HYKK: variants seen among roughly 807,000 people sequenced by gnomAD.
The protein encoded by HYKK is hydroxylysine kinase, also known as 5-hydroxy-L-lysine kinase.
In HYKK, 19 loss-of-function variants were observed where a neutral mutation model predicts 29.7. That is an observed-to-expected ratio of 0.64 (90% CI 0.45 to 0.94). The LOEUF is 0.94. HYKK is among the 40% of genes least tolerant of loss of function. HYKK has a pLI of 0.00. For missense variants in HYKK, 390 were observed against 443.4 expected (o/e 0.88, Z 1.08); for synonymous variants, 152 against 158.1 (o/e 0.96, Z 0.29).
At position 78,533,208 on chromosome 15, in the gene HYKK, A is replaced by T; in HGVS notation, c.662-2A>T. 1 of 1,554,304 alleles carries T rather than the reference A, an allele frequency of 6.4e-7. No individual in the cohort carries two copies. Among genetic ancestry groups the T allele is most frequent in the South Asian group, 1.1e-5 (1 of 87,748 alleles). On this transcript the variant is annotated splice_acceptor_variant, in intron 4 of 4. Transcript: ENST00000388988. LOFTEE classifies it high-confidence loss of function. Reference sequence around the variant, plus strand: ...GTTTTTACATGATTTTTCTACTTTCAGGTATCAATCACGGAGATCTTAATG... The same window carrying T: ...GTTTTTACATGATTTTTCTACTTTCTGGTATCAATCACGGAGATCTTAATG...
intron 3 of HYKK, among the ~76,000 whole-genome samples, chr15:78,523,320 G>A (rs1324899547): frequency 1.3e-5 from 2 of 152,096 alleles, no homozygotes; most frequent in South Asian, 4.2e-4. Context: ...GAGCAAGCCG[G>A]GGGTGCTGCA....
intron 1 of HYKK, among the ~76,000 whole-genome samples, chr15:78,508,130 C>G (rs1309066593): frequency 3.9e-5 from 6 of 152,230 alleles, no homozygotes; most frequent in African/African-American, 1.4e-4. Context: ...CAGGAAGACC[C>G]TTAAAAGCAC....
At chr15:78,517,621 C>T (rs1490390397) in intron 3 of HYKK, among the ~76,000 whole-genome samples, 1 of 151,728 alleles carries the variant, frequency 6.6e-6, no homozygotes, top group Non-Finnish European at 1.5e-5. Context: ...CAGTTTTGAG[C>T]AGTTTGATTA....
chr15:78,532,393 G>C (rs2052321042), intron 4 of HYKK, among the ~76,000 whole-genome samples: 1 of 152,074 alleles, frequency 6.6e-6, no homozygotes, highest in South Asian at 2.1e-4. Context: ...ACCAGCACTG[G>C]CCATGGACCC....
chr15:78,527,545 T>G lies in HYKK; in HGVS notation c.643T>G (p.Leu215Val). The change falls in exon 4 of 5, where the codon TTA (leucine) becomes GTA (valine). Residue 215 changes from leucine (L) to valine (V), a missense_variant. Coordinates refer to ENST00000388988, the MANE Select transcript of HYKK (RefSeq NM_001013619.4). ...HLFKEEVMTK[L>V]SHFRECINHG... Reference sequence around the variant, plus strand: ...GTTCAAGGAGGAAGTAATGACCAAATTAAGTCATTTTCGAGAATGTGAGTA... The same window carrying G: ...GTTCAAGGAGGAAGTAATGACCAAAGTAAGTCATTTTCGAGAATGTGAGTA... 1 of 1,614,030 alleles carries G rather than the reference T, an allele frequency of 6.2e-7. No individual in the cohort carries two copies. The highest frequency in any genetic ancestry group is 8.5e-7 in the Non-Finnish European group (1 of 1,179,954).
rs77907534 is a variant in HYKK at position 78,508,850 on chromosome 15, C to A, written c.-6+1179C>A. On this transcript the variant is annotated intron_variant, in intron 1 of 4. Coordinates refer to ENST00000388988, the MANE Select transcript of HYKK (RefSeq NM_001013619.4). ...CTTGAGCCCAGAAGTTCGAGACCAG[C>A]CTGGGCAACATAGTGGGACCCTCTC... 9.4e-3 allele frequency among the ~76,000 whole-genome samples: 1,219 copies of A among 129,636 alleles called. 114 individuals carry two copies. The East Asian group carries it at 0.25, about 26-fold the overall frequency. 85.0% of individuals were successfully genotyped at this position (129,636 alleles called of 152,430 possible). A position where few individuals can be genotyped will look rare whatever the true frequency, so the allele number is the denominator to read the frequency against.
At chr15:78,514,007 G>T (rs2052101850) in intron 2 of HYKK, among the ~76,000 whole-genome samples, 1 of 152,044 alleles carries the variant, frequency 6.6e-6, no homozygotes, top group African/African-American at 2.4e-5. Flanking sequence ...GCCCAGGCTG[G>T]TCTTGAACTC....
intron 1 of HYKK, among the ~76,000 whole-genome samples, chr15:78,510,582 TC>T (rs1472922672): frequency 2.0e-5 from 3 of 152,122 alleles, no homozygotes; most frequent in Non-Finnish European, 4.4e-5. Flanking sequence ...CTGGTATATC[TC>T]CCTGAATGTT....
Position 78,527,486 on chromosome 15 carries a change from G to T in HYKK, c.584G>T (p.Arg195Leu). ...EKYLYALGQN[R>L]NREIVEHVIH... ...TACCTGTATGCCCTGGGCCAGAATC[G>T]AAACCGAGAGATTGTTGAGCATGTC... The change falls in exon 4 of 5, where the codon CGA becomes CTA. Residue 195 changes from arginine (R) to leucine (L), a missense_variant. Physicochemically the swap from Arg to Leu is moderately radical, Grantham distance 102 (BLOSUM62 -2). Coordinates refer to ENST00000388988, the MANE Select transcript of HYKK (RefSeq NM_001013619.4). The T allele has an allele frequency of 6.2e-7, 1 of 1,614,054 alleles. No individual in the cohort carries two copies. The highest frequency in any genetic ancestry group is 1.6e-4 in the Middle Eastern group (1 of 6,062).
intron 3 of HYKK, among the ~76,000 whole-genome samples, chr15:78,521,207 G>A (rs2052192903): frequency 6.6e-6 from 1 of 151,998 alleles, no homozygotes; most frequent in Admixed American, 6.5e-5. Flanking sequence ...GGATTGTAGG[G>A]GCCAGAACTG....
chr15:78,517,703 C>G (rs923997916), intron 3 of HYKK, among the ~76,000 whole-genome samples: 1 of 152,116 alleles, frequency 6.6e-6, no homozygotes, highest in African/African-American at 2.4e-5. Flanking sequence ...AGTGGATATA[C>G]TGAAGTTACT....
At position 78,533,921 on chromosome 15, in the gene HYKK, TATA is replaced by T. The variant is rs1380848411; in HGVS notation, c.*254_*256del. The T allele has an allele frequency of 4.4e-6, 2 of 456,092 alleles. No individual in the cohort carries two copies. Among genetic ancestry groups the T allele is most frequent in the South Asian group, 3.2e-5 (1 of 31,328 alleles). The allele number at this position is 456,092 out of a possible 1,614,324, so 28.3% of individuals were successfully genotyped here. On this transcript the variant is annotated 3_prime_UTR_variant, in exon 5 of 5. Coordinates refer to ENST00000388988, the MANE Select transcript of HYKK (RefSeq NM_001013619.4). ...TTACTTGCCATATCTATAAAACACA[TATA>T]ATGATACCATTTTGAAGCAGATAAT...
rs368219725 is a variant in HYKK, at chr15:78,533,207, C to G, written c.662-3C>G. 2.8e-5 allele frequency: 43 copies of G among 1,551,406 alleles called. No homozygotes were observed. Among genetic ancestry groups the G allele is most frequent in the Non-Finnish European group, 3.7e-5 (42 of 1,129,608 alleles). ...TGTTTTTACATGATTTTTCTACTTT[C>G]AGGTATCAATCACGGAGATCTTAAT... On this transcript the variant is annotated splice_polypyrimidine_tract_variant and splice_region_variant and intron_variant, in intron 4 of 4. Transcript: ENST00000388988.
Position 78,513,178 on chromosome 15 carries a change from T to C in HYKK, c.90T>C (p.Phe30=), listed in dbSNP as rs1271837876. ...EQASALVESV[F]GLKVSKVRPL... Reference sequence around the variant, plus strand: ...CCTCTGCGTTAGTGGAGTCAGTGTTTGGGTTGAAAGTTTCCAAGGTCCGGC... The same window carrying C: ...CCTCTGCGTTAGTGGAGTCAGTGTTCGGGTTGAAAGTTTCCAAGGTCCGGC... Residue 30 remains phenylalanine (F), a synonymous_variant, in exon 2 of 5, where the codon TTT becomes TTC. Coordinates refer to ENST00000388988, the MANE Select transcript of HYKK (RefSeq NM_001013619.4). The C allele has an allele frequency of 2.5e-6, 4 of 1,614,052 alleles. No individual in the cohort carries two copies. Among genetic ancestry groups the C allele is most frequent in the African/African-American group, 2.7e-5 (2 of 74,922 alleles).
In HYKK at chr15:78,513,124, T is replaced by C. The variant is rs895929322; in HGVS notation, c.36T>C (p.Leu12=). ...GAAACTATCAGCAGTCAGAGGCTCTTAGCAAACCCACTTTCAGTGAGGAAC... is the reference window on the plus strand; with the variant it reads ...GAAACTATCAGCAGTCAGAGGCTCTCAGCAAACCCACTTTCAGTGAGGAAC... ...SSGNYQQSEA[L]SKPTFSEEQA... is the part of the protein sequence containing the mutation. The change falls in exon 2 of 5, where the codon CTT becomes CTC. Residue 12 remains leucine (L), a synonymous_variant. Transcript: ENST00000388988. 6.2e-7 allele frequency: 1 copy of C among 1,613,816 alleles called. No individual in the cohort carries two copies. The highest frequency in any genetic ancestry group is 1.3e-5 in the African/African-American group (1 of 75,030).
At position 78,510,071 on chromosome 15, in the gene HYKK, T is replaced by TC. The variant is rs1361665961; in HGVS notation, c.-6+2400_-6+2401insC. 2.0e-5 allele frequency among the ~76,000 whole-genome samples: 3 copies of TC among 149,818 alleles called. No homozygotes were observed. The East Asian group carries it at 5.8e-4, about 29-fold the overall frequency. ...TACCTCTCCCTTATTTTCTCTTCTC[T>TC]TTTTTTTTCTTTCTTTCTTTTCTTT... On this transcript the variant is annotated intron_variant, in intron 1 of 4. Coordinates refer to ENST00000388988, the MANE Select transcript of HYKK (RefSeq NM_001013619.4).
In HYKK at chr15:78,520,695, C is replaced by G. The variant is rs80108650; in HGVS notation, c.477+5588C>G. Among the ~76,000 whole-genome samples, 1,423 of 152,344 alleles carry G rather than the reference C, an allele frequency of 9.3e-3. 137 individuals are homozygous for G. The East Asian group carries it at 0.24, about 26-fold the overall frequency. ...CTCAATGTTTTCCCCACCTCTCCCC[C>G]CTTTCTATTCCACAAAACCGCCATT... is the stretch of plus-strand genomic sequence containing the variant. On this transcript the variant is annotated intron_variant, in intron 3 of 4. Transcript: ENST00000388988.
chr15:78,513,447 G>C lies in HYKK; in HGVS notation c.337+22G>C, dbSNP rs16969922. The C allele has an allele frequency of 8.4e-3, 12,974 of 1,537,800 alleles. 865 individuals are homozygous for C. In the African/African-American group the frequency reaches 0.15, roughly 18 times the overall value. Reference sequence around the variant, plus strand: ...GTAGGTAAGAGATGACCAATTCGCCGATCCATTACCTATCCAGACACATCA... The same window carrying C: ...GTAGGTAAGAGATGACCAATTCGCCCATCCATTACCTATCCAGACACATCA... On this transcript the variant is annotated intron_variant, in intron 2 of 4. Coordinates refer to ENST00000388988, the MANE Select transcript of HYKK (RefSeq NM_001013619.4).
chr15:78,526,066 C>G (rs2052251460), intron 3 of HYKK, among the ~76,000 whole-genome samples: 1 of 152,206 alleles, frequency 6.6e-6, no homozygotes, highest in Non-Finnish European at 1.5e-5. Context: ...AAGTCGTTAT[C>G]CCTCTATGAA....
Sources: allele counts gnomAD v4.1 joint callset (sites outside exome capture counted in the v4.1 genomes callset), GRCh38; gene constraint gnomAD v4.1.1; transcripts MANE v1.5; gene names NCBI Gene and HGNC (gene_info 2026-07-23, HGNC 2026-07-21).